Variants in CCL3 observed in about 807,000 individuals in gnomAD.
CCL3 encodes the protein C-C motif chemokine ligand 3.
A neutral mutation model predicts 8.1 loss-of-function variants in CCL3; 6 were observed. That is an observed-to-expected ratio of 0.74 (90% CI 0.41 to 1.46). CCL3 has a LOEUF of 1.46. Ranked by LOEUF, CCL3 falls within the 40% of genes most tolerant of loss-of-function variation. The probability of loss-of-function intolerance (pLI) is 0.02; values close to 1 mark genes in which losing one functional copy is unlikely to be tolerated. For missense variants in CCL3, 109 were observed against 117.7 expected (o/e 0.93, Z 0.34); for synonymous variants, 45 against 45.1 (o/e 1.00, Z 0.01).
chr17:36,089,163 G>A lies in CCL3; in HGVS notation c.188+20C>T, dbSNP rs56302031. 869 of 1,613,730 alleles carry A rather than the reference G, an allele frequency of 5.4e-4. 1 individual carries two copies. Among genetic ancestry groups the A allele is most frequent in the Admixed American group, 7.3e-4 (44 of 60,014 alleles). On this transcript the variant is annotated intron_variant, in intron 2 of 2. Transcript: ENST00000613922. ...ACCCTCCCTACCTCCATAGAGGTGA[G>A]CAGGAAGACTGGCACTTACATGACA... is the stretch of plus-strand genomic sequence containing the variant.
chr17:36,089,594 A>G lies in CCL3; in HGVS notation c.74-297T>C, dbSNP rs1173301531. ...GTTCAAGAAGTCATACCCCAACCCA[A>G]GAGAAGCCTTGGACATCTCTCATAA... On this transcript the variant is annotated intron_variant, in intron 1 of 2. Transcript: ENST00000613922. 8.2e-6 allele frequency: 5 copies of G among 607,308 alleles called. No homozygotes were observed. In the African/African-American group the frequency reaches 9.2e-5, roughly 11 times the overall value. The allele number at this position is 607,308 out of a possible 1,614,324, so 37.6% of individuals were successfully genotyped here. A position where few individuals can be genotyped will look rare whatever the true frequency, so the allele number is the denominator to read the frequency against.
intron 1 of CCL3, 138 bp downstream of exon 1, chr17:36,089,848 A>T: frequency 2.3e-6 from 2 of 858,424 alleles, no homozygotes; most frequent in South Asian, 1.4e-5. Context: ...TAAAAGTCTT[A>T]AAGAGAAAGA....
chr17:36,088,483 T>C lies in CCL3; in HGVS notation c.*189A>G, dbSNP rs8070375. On this transcript the variant is annotated 3_prime_UTR_variant, in exon 3 of 3. Coordinates refer to ENST00000613922, the MANE Select transcript of CCL3 (RefSeq NM_002983.3). Reference sequence around the variant, plus strand: ...ACACACTGTGAAATCGAAAATAAATTACAAAAACTAAATAGTATAAATAAA... The same window carrying C: ...ACACACTGTGAAATCGAAAATAAATCACAAAAACTAAATAGTATAAATAAA... 571 of 638,166 alleles carry C rather than the reference T, an allele frequency of 8.9e-4. 6 individuals carry two copies. In the African/African-American group the frequency reaches 9.8e-3, roughly 11 times the overall value. The allele number at this position is 638,166 out of a possible 1,614,324, so 39.5% of individuals were successfully genotyped here.
In CCL3 at chr17:36,089,314, A is replaced by G. The variant is rs768934832; in HGVS notation, c.74-17T>C. On this transcript the variant is annotated splice_polypyrimidine_tract_variant and intron_variant, in intron 1 of 2. Coordinates refer to ENST00000613922, the MANE Select transcript of CCL3 (RefSeq NM_002983.3). ...CAGCAGCAACTGTGGAGAAAGGAAG[A>G]GAATGAGCCCGAGTCACAGCTCAGA... 2.5e-6 allele frequency: 4 copies of G among 1,613,984 alleles called. No homozygotes were observed. In the African/African-American group the frequency reaches 5.3e-5, roughly 22 times the overall value.
rs1251992195 is a variant in CCL3 at position 36,089,986 on chromosome 17, G to A, written c.73C>T (p.Leu25Phe). 27 of 1,613,532 alleles carry A rather than the reference G, an allele frequency of 1.7e-5. No individual in the cohort carries two copies. Among genetic ancestry groups the A allele is most frequent in the South Asian group, 2.2e-5 (2 of 91,076 alleles). ...MALCNQFSAS[L>F]AADTPTACCF... The stretch of plus-strand genomic sequence containing the variant: ...TACCCACAACGAAACTCAGACTCAC[G>A]TGATGCAGAGAACTGGTTGCAGAGA... The change falls in exon 1 of 3, where the codon CTT becomes TTT. Residue 25 changes from leucine (L) to phenylalanine (F), a missense_variant and splice_region_variant. Coordinates refer to ENST00000613922, the MANE Select transcript of CCL3 (RefSeq NM_002983.3).
At position 36,088,676 on chromosome 17, in the gene CCL3, G is replaced by T. The variant is rs1417573960; in HGVS notation, c.275C>A (p.Ala92Asp). ...QKYVSDLELS[A>D] ...GCCTCGAAGCTTCTGGACCCCTCAG[G>T]CACTCAGCTCCAGGTCGCTGACATA... Residue 92 changes from alanine (A) to aspartate (D), a missense_variant, in exon 3 of 3, where the codon GCC becomes GAC. Physicochemically the swap from Ala to Asp is moderately radical, Grantham distance 126. Coordinates refer to ENST00000613922, the MANE Select transcript of CCL3 (RefSeq NM_002983.3). 1 of 1,613,204 alleles carries T rather than the reference G, an allele frequency of 6.2e-7. No homozygotes were observed. Among genetic ancestry groups the T allele is most frequent in the Non-Finnish European group, 8.5e-7 (1 of 1,179,856 alleles).
chr17:36,089,529 C>G, intron 1 of CCL3: 1 of 621,920 alleles, frequency 1.6e-6, no homozygotes. Context: ...CCTGAACGGA[C>G]TGTTCTCTTA....
intron 1 of CCL3, chr17:36,089,521 T>G: frequency 1.6e-6 from 1 of 625,166 alleles, no homozygotes; most frequent in Non-Finnish European, 2.8e-6. Context: ...TCCAGATACC[T>G]GAACGGACTG....
At chr17:36,089,407 T>C in intron 1 of CCL3, 110 bp from the exon 2 acceptor site, 1 of 1,369,580 alleles carries the variant, frequency 7.3e-7, no homozygotes, top group African/African-American at 1.4e-5. Flanking sequence ...ACCAAGTGAC[T>C]GGAAGGCATT....
Position 36,088,389 on chromosome 17 carries a change from G to A in CCL3, c.*283C>T, listed in dbSNP as rs1427025352. The A allele has an allele frequency of 6.7e-5, 31 of 462,324 alleles. No homozygotes were observed. The highest frequency in any genetic ancestry group is 5.7e-4 in the South Asian group (22 of 38,390). 28.6% of individuals were successfully genotyped at this position (462,324 alleles called of 1,614,324 possible). The stretch of plus-strand genomic sequence containing the variant: ...CTACACAGGCTGATGACAGCCACTC[G>A]GTTGTCACCAGACGCGGTGTGAGGG... On this transcript the variant is annotated 3_prime_UTR_variant, in exon 3 of 3. Coordinates refer to ENST00000613922, the MANE Select transcript of CCL3 (RefSeq NM_002983.3).
chr17:36,089,653 G>C (rs1568554483), intron 1 of CCL3: 2 of 651,570 alleles, frequency 3.1e-6, no homozygotes, highest in Non-Finnish European at 5.6e-6. Context: ...GGGAGACCTA[G>C]AGTGAGCTGG....
At chr17:36,089,946 GC>G in intron 1 of CCL3, 39 bp downstream of exon 1, 1 of 1,572,556 alleles carries the variant, frequency 6.4e-7, no homozygotes, top group Non-Finnish European at 8.8e-7. Flanking sequence ...TCTAACCATG[GC>G]CAGAGAGTGG....
In CCL3 at chr17:36,089,870, G is replaced by A. The variant is rs1395712647; in HGVS notation, c.73+116C>T. 4 of 967,980 alleles carry A rather than the reference G, an allele frequency of 4.1e-6. No homozygotes were observed. In the East Asian group the frequency reaches 7.8e-5, roughly 19 times the overall value. The allele number at this position is 967,980 out of a possible 1,614,324, so 60.0% of individuals were successfully genotyped here. A position where few individuals can be genotyped will look rare whatever the true frequency, so the allele number is the denominator to read the frequency against. On this transcript the variant is annotated intron_variant, in intron 1 of 2. Coordinates refer to ENST00000613922, the MANE Select transcript of CCL3 (RefSeq NM_002983.3). Reference sequence around the variant, plus strand: ...CTTAAAGAGAAAGACCAAGATGTTTGGCAGCCCTTTAAGAAGTTCTCTTTT... The same window carrying A: ...CTTAAAGAGAAAGACCAAGATGTTTAGCAGCCCTTTAAGAAGTTCTCTTTT...
At chr17:36,089,934 G>A (rs2142065760) in intron 1 of CCL3, 52 bp downstream of exon 1, 1 of 1,525,132 alleles carries the variant, frequency 6.6e-7, no homozygotes, top group Non-Finnish European at 9.1e-7. Context: ...AGATTGATGT[G>A]GTCTAACCAT....
chr17:36,088,848 G>A (rs1568552804), intron 2 of CCL3, 86 bp from the exon 3 acceptor site: 4 of 1,552,208 alleles, frequency 2.6e-6, no homozygotes, highest in Non-Finnish European at 3.6e-6. Context: ...TCTGCTCTCT[G>A]TCCTGGGCAG....
At chr17:36,089,417 T>C (rs2067022313) in intron 1 of CCL3, 120 bp from the exon 2 acceptor site, 1 of 1,172,898 alleles carries the variant, frequency 8.5e-7, no homozygotes, top group Admixed American at 1.9e-5. Flanking sequence ...TGGAAGGCAT[T>C]TGGGCATTTT....
Position 36,090,019 on chromosome 17 carries a change from T to G in CCL3, c.40A>C (p.Thr14Pro), listed in dbSNP as rs2067031223. 1.2e-6 allele frequency: 2 copies of G among 1,613,706 alleles called. No homozygotes were observed. The highest frequency in any genetic ancestry group is 1.7e-6 in the Non-Finnish European group (2 of 1,180,046). Residue 14 changes from threonine to proline, a missense_variant, in exon 1 of 3, where the codon ACC becomes CCC. Transcript: ENST00000613922. ...GAGAACTGGTTGCAGAGAGCCATGG[T>G]GCAGAGGAGGACAGCAAGGGCAGCA... Reference protein sequence around the residue: ...STAALAVLLCTMALCNQFSAS... With the variant: ...STAALAVLLCPMALCNQFSAS...
rs1026486969 is a variant in CCL3 at position 36,089,570 on chromosome 17, T to C, written c.74-273A>G. On this transcript the variant is annotated intron_variant, in intron 1 of 2. Transcript: ENST00000613922. ...GTTCTCTTCAGGGAATTTTGTCTGG[T>C]TCAAGAAGTCATACCCCAACCCAAG... The C allele has an allele frequency of 8.4e-5, 51 of 607,246 alleles. No homozygotes were observed. In the Admixed American group the frequency reaches 1.4e-3, roughly 17 times the overall value. The allele number at this position is 607,246 out of a possible 1,614,324, so 37.6% of individuals were successfully genotyped here.
At chr17:36,089,431 T>A in intron 1 of CCL3, 134 bp from the exon 2 acceptor site, 1 of 978,490 alleles carries the variant, frequency 1.0e-6, no homozygotes, top group South Asian at 1.4e-5. Flanking sequence ...GCATTTTTGC[T>A]GAGAAATGTC....
Sources: allele counts gnomAD v4.1 joint callset, GRCh38; gene constraint gnomAD v4.1.1; transcripts MANE v1.5; gene names NCBI Gene and HGNC (gene_info 2026-07-23, HGNC 2026-07-21).